The following APEX2 variants were observed in gnomAD, a reference collection of about 807,000 sequenced individuals.
APEX2 encodes the protein DNA-(apurinic or apyrimidinic site) endonuclease 2.
A neutral mutation model predicts 16.7 loss-of-function variants in APEX2; 4 were observed. That is an observed-to-expected ratio of 0.24 (90% CI 0.12 to 0.55). The LOEUF (loss-of-function observed/expected upper bound fraction) is 0.55, where lower values mean the gene tolerates loss of function less well. Ranked by LOEUF, APEX2 falls within the 20% of genes least tolerant of loss-of-function variation. The pLI, the probability that APEX2 is intolerant of heterozygous loss-of-function variation, is 0.94. For missense variants in APEX2, 357 were observed against 433.6 expected (o/e 0.82, Z 1.57); for synonymous variants, 181 against 166.9 (o/e 1.08, Z -0.65).
intron 4 of APEX2, 105 bp downstream of exon 4, chrX:55,003,213 T>C (rs1935466454): frequency 1.3e-5 from 13 of 989,153 alleles, no homozygotes; most frequent in Non-Finnish European, 1.6e-5. Flanking sequence ...TCTGAGTTCT[T>C]TCACAGCATA....
rs28382694 is a variant in APEX2 at position 55,006,916 on chromosome X, C to A, written c.1038C>A (p.Leu346=). 0.029 allele frequency: 34,789 copies of A among 1,210,074 alleles called. 411 individuals are homozygous for A. Among genetic ancestry groups the A allele is most frequent in the Non-Finnish European group, 0.035 (30,947 of 895,152 alleles). ...AGATCCTTCGCTTCCTAGTTCCTCT[C>A]GAACAAAGTCCTGTGTTGGAGCAGT... ...QLKILRFLVP[L]EQSPVLEQST... The change falls in exon 6 of 6, where the codon CTC becomes CTA. Residue 346 remains leucine (L), a synonymous_variant. Coordinates refer to ENST00000374987, the MANE Select transcript of APEX2 (RefSeq NM_014481.4).
chrX:55,005,340 A>C (rs1935487559), intron 5 of APEX2, among the ~76,000 whole-genome samples: 1 of 111,590 alleles, frequency 9.0e-6, no homozygotes, highest in Admixed American at 9.5e-5. Flanking sequence ...TCTTATGTAT[A>C]CCTCTTTCAT....
Position 55,007,106 on chromosome X carries a change from A to G in APEX2, c.1228A>G (p.Ile410Val), listed in dbSNP as rs1179995954. The change falls in exon 6 of 6, where the codon ATA becomes GTA. Residue 410 changes from isoleucine (I) to valine (V), a missense_variant. Ile to Val is a conservative substitution (Grantham distance 29, BLOSUM62 3). Transcript: ENST00000374987. ...TAGCTGTCCCCAAGCCTCTCCTGAC[A>G]TAGAGCTGCCTAGCCTACCACTGAT... Reference protein sequence around the residue: ...SPSCPQASPDIELPSLPLMSA... With the variant: ...SPSCPQASPDVELPSLPLMSA... The G allele has an allele frequency of 8.3e-7, 1 of 1,210,278 alleles. No homozygotes were observed. Among genetic ancestry groups the G allele is most frequent in the Non-Finnish European group, 1.1e-6 (1 of 895,301 alleles).
intron 1 of APEX2, among the ~76,000 whole-genome samples, chrX:55,001,327 A>G (rs1935439161): frequency 9.1e-6 from 1 of 110,387 alleles, no homozygotes; most frequent in Non-Finnish European, 1.9e-5. Flanking sequence ...CATAGTCTCT[A>G]ACCGCCCCCC....
At position 55,006,968 on chromosome X, in the gene APEX2, C is replaced by T. The variant is rs199802672; in HGVS notation, c.1090C>T (p.Arg364Trp). Residue 364 changes from arginine to tryptophan, a missense_variant, in exon 6 of 6, where the codon CGG becomes TGG. Coordinates refer to ENST00000374987, the MANE Select transcript of APEX2 (RefSeq NM_014481.4). ...GACGCTGCAGCACAACAATCAAACC[C>T]GGGTACAGACATGCCAAAACAAAGC... ...QSTLQHNNQTRVQTCQNKAQV... is the reference protein window; with the variant it reads ...QSTLQHNNQTWVQTCQNKAQV... 1.2e-5 allele frequency: 15 copies of T among 1,210,153 alleles called. No homozygotes were observed. The highest frequency in any genetic ancestry group is 1.0e-5 in the Non-Finnish European group (9 of 895,244).
rs1935545454 is a variant in APEX2, at chrX:55,008,889, C to T, written c.*1454C>T. 2 of 328,456 alleles carry T rather than the reference C, an allele frequency of 6.1e-6. No individual in the cohort carries two copies. Among genetic ancestry groups the T allele is most frequent in the East Asian group, 1.1e-4 (2 of 18,991 alleles). 27.1% of individuals were successfully genotyped at this position (328,456 alleles called of 1,213,427 possible). ...CCAAGTATCCTAGCTCTTTGCAACT[C>T]ACTGTGTAGTTTTTGGGCATTTCCT... On this transcript the variant is annotated 3_prime_UTR_variant, in exon 6 of 6. Transcript: ENST00000374987.
At chrX:55,000,657 A>G (rs2146705493) in intron 1 of APEX2, 78 bp downstream of exon 1, 1 of 1,063,599 alleles carries the variant, frequency 9.4e-7, no homozygotes, top group East Asian at 3.3e-5. Flanking sequence ...ATGTAATTTT[A>G]CTTTCCCAGT....
chrX:55,003,674 G>A (rs1935472953), intron 4 of APEX2, 125 bp from the exon 5 acceptor site: 1 of 556,528 alleles, frequency 1.8e-6, no homozygotes, highest in Non-Finnish European at 3.0e-6. Context: ...AGGCTGTTAT[G>A]AGTTGCTGTT....
rs1453270162 is a variant in APEX2, at chrX:55,003,808, C to T, written c.579C>T (p.Ile193=). The T allele has an allele frequency of 8.3e-7, 1 of 1,210,900 alleles. No homozygotes were observed. Among genetic ancestry groups the T allele is most frequent in the Non-Finnish European group, 1.1e-6 (1 of 894,901 alleles). Residue 193 remains isoleucine (I), a synonymous_variant, in exon 5 of 6, where the codon ATC becomes ATT. Transcript: ENST00000374987. The part of the protein sequence containing the change: ...EALLAAGSHV[I]ILGDLNTAHR... Reference sequence around the variant, plus strand: ...ACATTGTGTTTTTCAGCCATGTGATCATTCTGGGTGACCTGAATACAGCCC... The same window carrying T: ...ACATTGTGTTTTTCAGCCATGTGATTATTCTGGGTGACCTGAATACAGCCC...
chrX:55,006,607 C>T lies in APEX2; in HGVS notation c.729C>T (p.Phe243=). Residue 243 remains phenylalanine (F), a synonymous_variant, in exon 6 of 6, where the codon TTC becomes TTT. Coordinates refer to ENST00000374987, the MANE Select transcript of APEX2 (RefSeq NM_014481.4). The part of the protein sequence containing the change: ...GCQSASHVGP[F]IDSYRCFQPK... The stretch of plus-strand genomic sequence containing the variant: ...AGTCTGCCTCTCATGTAGGGCCCTT[C>T]ATCGATAGCTACCGCTGCTTCCAAC... The T allele has an allele frequency of 8.7e-7, 1 of 1,151,649 alleles. No individual in the cohort carries two copies. Among genetic ancestry groups the T allele is most frequent in the East Asian group, 3.0e-5 (1 of 33,109 alleles). The allele number at this position is 1,151,649 out of a possible 1,213,427, so 94.9% of individuals were successfully genotyped here.
chrX:55,003,187 A>G (rs998112984), intron 4 of APEX2, 79 bp downstream of exon 4: 64 of 1,086,531 alleles, frequency 5.9e-5, no homozygotes, highest in Admixed American at 2.2e-4. Context: ...ATTGAAAGGG[A>G]TATGGACCCT....
rs184184906 is a variant in APEX2 at position 55,007,661 on chromosome X, G to T, written c.*226G>T. 35 of 340,333 alleles carry T rather than the reference G, an allele frequency of 1.0e-4. No homozygotes were observed. The East Asian group carries it at 1.3e-3, about 13-fold the overall frequency. The allele number at this position is 340,333 out of a possible 1,213,427, so 28.0% of individuals were successfully genotyped here. Reference sequence around the variant, plus strand: ...CCCTTACACCACTTTCCACCTTCCTGTCCGAAGTACACGGACACTAGCTGC... The same window carrying T: ...CCCTTACACCACTTTCCACCTTCCTTTCCGAAGTACACGGACACTAGCTGC... On this transcript the variant is annotated 3_prime_UTR_variant, in exon 6 of 6. Coordinates refer to ENST00000374987, the MANE Select transcript of APEX2 (RefSeq NM_014481.4).
At position 55,006,793 on chromosome X, in the gene APEX2, C is replaced by T. The variant is rs894522797; in HGVS notation, c.915C>T (p.Cys305=). Residue 305 remains cysteine, a synonymous_variant, in exon 6 of 6, where the codon TGC becomes TGT. Transcript: ENST00000374987. The part of the protein sequence containing the change: ...LLPEVMGSDH[C]PVGAVLSVSS... ...CTGAGGTGATGGGCTCTGACCACTG[C>T]CCTGTGGGTGCAGTCTTGAGTGTGT... 8 of 1,209,992 alleles carry T rather than the reference C, an allele frequency of 6.6e-6. No homozygotes were observed. The highest frequency in any genetic ancestry group is 8.9e-6 in the Non-Finnish European group (8 of 895,155).
In APEX2 at chrX:55,001,526, C is replaced by CT; in HGVS notation, c.158-18dup. On this transcript the variant is annotated intron_variant, in intron 1 of 5. Transcript: ENST00000374987. ...ATGCTAGTTTTACCTCTGACTTAAT[C>CT]TTACATTTTTTTTTTCCAGGGGATG... The CT allele has an allele frequency of 8.6e-7, 1 of 1,168,456 alleles. No homozygotes were observed. The highest frequency in any genetic ancestry group is 1.2e-6 in the Non-Finnish European group (1 of 869,179).
chrX:55,006,604 C>T lies in APEX2; in HGVS notation c.726C>T (p.Pro242=), dbSNP rs776595560. ...LGCQSASHVG[P]FIDSYRCFQP... is the part of the protein sequence containing the mutation. ...GCCAGTCTGCCTCTCATGTAGGGCC[C>T]TTCATCGATAGCTACCGCTGCTTCC... Residue 242 remains proline, a synonymous_variant, in exon 6 of 6, where the codon CCC becomes CCT. Coordinates refer to ENST00000374987, the MANE Select transcript of APEX2 (RefSeq NM_014481.4). 1.7e-6 allele frequency: 2 copies of T among 1,149,093 alleles called. No individual in the cohort carries two copies. Among genetic ancestry groups the T allele is most frequent in the East Asian group, 6.1e-5 (2 of 33,010 alleles). 94.7% of individuals were successfully genotyped at this position (1,149,093 alleles called of 1,213,427 possible).
chrX:55,001,086 A>G (rs1006803572), intron 1 of APEX2, among the ~76,000 whole-genome samples: 3 of 108,715 alleles, frequency 2.8e-5, no homozygotes. Flanking sequence ...CCAAGCTTAG[A>G]TGTCCTCTTA....
In APEX2 at chrX:55,003,760, C is replaced by G. The variant is rs199620046; in HGVS notation, c.570-39C>G. 9.3e-5 allele frequency: 109 copies of G among 1,177,874 alleles called. No homozygotes were observed. In the African/African-American group the frequency reaches 1.7e-3, roughly 18 times the overall value. On this transcript the variant is annotated intron_variant, in intron 4 of 5. Transcript: ENST00000374987. ...GGAAAAAGTATATGGGCCAGGACTG[C>G]TGCACCCCTTTCTAACAATCCCACA...
chrX:55,007,068 T>A lies in APEX2; in HGVS notation c.1190T>A (p.Phe397Tyr). 1 of 1,211,202 alleles carries A rather than the reference T, an allele frequency of 8.3e-7. No homozygotes were observed. The highest frequency in any genetic ancestry group is 1.8e-5 in the South Asian group (1 of 56,895). ...SRGQKNLKSYFQPSPSCPQAS... is the reference protein window; with the variant it reads ...SRGQKNLKSYYQPSPSCPQAS... ...GGCCAGAAAAACCTGAAGAGCTACT[T>A]TCAGCCCTCCCCTAGCTGTCCCCAA... Residue 397 changes from phenylalanine (F) to tyrosine (Y), a missense_variant, in exon 6 of 6, where the codon TTT (phenylalanine) becomes TAT (tyrosine). Physicochemically the swap from Phe to Tyr is conservative, Grantham distance 22 (BLOSUM62 3). Coordinates refer to ENST00000374987, the MANE Select transcript of APEX2 (RefSeq NM_014481.4).
intron 5 of APEX2, among the ~76,000 whole-genome samples, chrX:55,004,634 A>G (rs946186123): frequency 9.0e-6 from 1 of 111,185 alleles, no homozygotes; most frequent in African/African-American, 3.3e-5. Context: ...GTCCCTACAC[A>G]TTTTGTCCTC....
Sources: allele counts gnomAD v4.1 joint callset (sites outside exome capture counted in the v4.1 genomes callset), GRCh38; gene constraint gnomAD v4.1.1; transcripts MANE v1.5; gene names NCBI Gene and HGNC (gene_info 2026-07-23, HGNC 2026-07-21).